The following GAK variants were observed in gnomAD, a reference collection of about 807,000 sequenced individuals.
GAK encodes cyclin G associated kinase.
Under a neutral mutation model 143.9 loss-of-function variants are expected in GAK, and 79 were observed. The observed-to-expected ratio is 0.55, with a 90% CI of 0.46 to 0.66. GAK has a LOEUF of 0.66. GAK is among the 30% of genes least tolerant of loss of function. The pLI, the probability that GAK is intolerant of heterozygous loss-of-function variation, is 0.00. For missense variants in GAK, 1,693 were observed against 1,779.7 expected, an observed-to-expected ratio of 0.95 and a Z score of 0.88; for synonymous variants, 881 against 765.5, an observed-to-expected ratio of 1.15 and a Z score of -2.49.
At chr4:877,279 G>T in intron 16 of GAK, 72 bp from the exon 17 acceptor site, 3 of 1,045,206 alleles carry the variant, frequency 2.9e-6, no homozygotes, top group Non-Finnish European at 3.0e-6. Context: ...ACAAAAAACA[G>T]AATGAGAAAT....
At chr4:890,883 A>G in intron 9 of GAK, among the ~76,000 whole-genome samples, 1 of 149,136 alleles carries the variant, frequency 6.7e-6, no homozygotes, top group Non-Finnish European at 1.5e-5. Flanking sequence ...AGCTTTTCAG[A>G]CTCTTGGGCT....
At chr4:850,868 C>G in intron 26 of GAK, 68 bp downstream of exon 26, 1 of 1,542,772 alleles carries the variant, frequency 6.5e-7, no homozygotes, top group Non-Finnish European at 8.8e-7. Flanking sequence ...CCATAAGGCA[C>G]AGCAGATGCT....
Position 883,772 on chromosome 4 carries a change from T to C in GAK, c.1255+265A>G, listed in dbSNP as rs536794198. Among the ~76,000 whole-genome samples, 43 of 152,344 alleles carry C rather than the reference T, an allele frequency of 2.8e-4. No homozygotes were observed. In the East Asian group the frequency reaches 4.6e-3, roughly 16 times the overall value. ...GCCTGGTGCACAGAGGCCCTGGTTT[T>C]CCACGGACACGGCCTTGTGTTGTTC... On this transcript the variant is annotated intron_variant, in intron 12 of 27. Transcript: ENST00000314167.
In GAK at chr4:868,573, G is replaced by A. The variant is rs112202640; in HGVS notation, c.2361C>T (p.Asp787=). Residue 787 remains aspartate, a synonymous_variant, in exon 20 of 28, where the codon GAC becomes GAT. Transcript: ENST00000314167. The stretch of plus-strand genomic sequence containing the variant: ...CCAGCGTGTGCAGGAAGCGACTGGC[G>A]TCCGCGCTGCTGCTTGGCGGTGAGT... The part of the protein sequence containing the change: ...DSDSPPSSSA[D]ASRFLHTLDW... 128 of 1,607,086 alleles carry A rather than the reference G, an allele frequency of 8.0e-5. 1 individual carries two copies. The African/African-American group carries it at 8.4e-4, about 11-fold the overall frequency.
chr4:884,931 C>T (rs1015212358), intron 11 of GAK, among the ~76,000 whole-genome samples: 12 of 152,194 alleles, frequency 7.9e-5, no homozygotes, highest in African/African-American at 2.7e-4. Flanking sequence ...TACACACGAC[C>T]GAACCATCGC....
chr4:920,051 C>T (rs913279782), intron 1 of GAK, among the ~76,000 whole-genome samples: 2 of 152,066 alleles, frequency 1.3e-5, no homozygotes, highest in African/African-American at 4.8e-5. Flanking sequence ...GTGGCTCAGG[C>T]CTGTAATCTC....
chr4:850,375 C>T (rs1461228309), intron 26 of GAK: 1 of 316,426 alleles, frequency 3.2e-6, no homozygotes, highest in Non-Finnish European at 5.8e-6. Flanking sequence ...TCCCAGGCCC[C>T]AGACTCCGAG....
chr4:875,409 G>A (rs1489896230), intron 18 of GAK, among the ~76,000 whole-genome samples: 3 of 152,244 alleles, frequency 2.0e-5, no homozygotes, highest in Non-Finnish European at 4.4e-5. Context: ...GGTGCAGGCC[G>A]TCCCTGACAG....
rs1284851457 is a variant in GAK at position 854,992 on chromosome 4, C to T, written c.3284-3018G>A. Among the ~76,000 whole-genome samples, 4 of 152,164 alleles carry T rather than the reference C, an allele frequency of 2.6e-5. No individual in the cohort carries two copies. The East Asian group carries it at 7.7e-4, about 29-fold the overall frequency. ...CCCGGTAAGGGAACTTGCAGTGAGCCGAGATCAGGCCACTGCACTCCAGCC... is the reference window on the plus strand; with the variant it reads ...CCCGGTAAGGGAACTTGCAGTGAGCTGAGATCAGGCCACTGCACTCCAGCC... On this transcript the variant is annotated intron_variant, in intron 24 of 27. Coordinates refer to ENST00000314167, the MANE Select transcript of GAK (RefSeq NM_005255.4).
intron 18 of GAK, among the ~76,000 whole-genome samples, chr4:874,760 T>A (rs1264715869): frequency 6.6e-6 from 1 of 152,130 alleles, no homozygotes; most frequent in African/African-American, 2.4e-5. Flanking sequence ...TTTTGGCCAA[T>A]GATTTTTCAA....
chr4:909,662 G>C (rs1721697895), intron 4 of GAK, among the ~76,000 whole-genome samples: 1 of 152,228 alleles, frequency 6.6e-6, no homozygotes. Context: ...GCTGTATAGA[G>C]TTATGAGGCT....
At chr4:908,229 G>C (rs950518963) in intron 4 of GAK, among the ~76,000 whole-genome samples, 1 of 152,180 alleles carries the variant, frequency 6.6e-6, no homozygotes, top group Non-Finnish European at 1.5e-5. Context: ...AAGTGTGCTG[G>C]GCAGAGGGTG....
At chr4:864,400 C>T (rs1041653227) in intron 23 of GAK, among the ~76,000 whole-genome samples, 3 of 152,156 alleles carry the variant, frequency 2.0e-5, no homozygotes, top group African/African-American at 7.2e-5. Flanking sequence ...CAAAAAACCC[C>T]CTTAACTCTT....
chr4:895,875 A>G (rs1168481025), intron 7 of GAK, among the ~76,000 whole-genome samples: 1 of 152,188 alleles, frequency 6.6e-6, no homozygotes, highest in Non-Finnish European at 1.5e-5. Context: ...GGCCAGATGC[A>G]CAACAAGCCA....
At chr4:868,512 G>A in intron 20 of GAK, 27 bp downstream of exon 20, 1 of 1,596,364 alleles carries the variant, frequency 6.3e-7, no homozygotes, top group Admixed American at 1.7e-5. Context: ...CCCTCTGCAA[G>A]TGGCCAGGTC....
intron 14 of GAK, 28 bp downstream of exon 14, chr4:882,669 G>A (rs371811277): frequency 1.6e-5 from 25 of 1,606,206 alleles, no homozygotes; most frequent in Admixed American, 5.0e-5. Context: ...GACAGAAGAC[G>A]GCGCCAGCCC....
chr4:929,151 G>T lies in GAK; in HGVS notation c.145+2892C>A, dbSNP rs1030791300. 2.6e-5 allele frequency among the ~76,000 whole-genome samples: 4 copies of T among 152,306 alleles called. No homozygotes were observed. The East Asian group carries it at 5.8e-4, about 22-fold the overall frequency. ...GGAGAGTCAGGACCACACACAAGTG[G>T]CCCTGGGGGTGGGAGTAGGCTGTGC... is the stretch of plus-strand genomic sequence containing the variant. On this transcript the variant is annotated intron_variant, in intron 1 of 27. Transcript: ENST00000314167.
At chr4:878,329 TAG>T (rs1258980983) in intron 15 of GAK, among the ~76,000 whole-genome samples, 1 of 152,178 alleles carries the variant, frequency 6.6e-6, no homozygotes, top group Non-Finnish European at 1.5e-5. Context: ...GGTGGAGATT[TAG>T]AGAGTTTTCC....
At chr4:855,542 AT>A (rs1415605108) in intron 24 of GAK, among the ~76,000 whole-genome samples, 1 of 152,040 alleles carries the variant, frequency 6.6e-6, no homozygotes, top group Non-Finnish European at 1.5e-5. Context: ...GAGTAATTTT[AT>A]TTCTCCCTTT....
Sources: gnomAD v4.1 joint callset for allele counts (sites outside exome capture counted in the v4.1 genomes callset) on GRCh38, gnomAD v4.1.1 for gene constraint, MANE v1.5 for transcripts, NCBI Gene and HGNC (gene_info 2026-07-23, HGNC 2026-07-21) for gene names.